The following OCM variants were observed in gnomAD, a reference collection of about 807,000 sequenced individuals.
OCM encodes oncomodulin-1.
A neutral mutation model predicts 14.1 loss-of-function variants in OCM; 18 were observed. The observed-to-expected ratio is 1.28, with a 90% confidence interval of 0.88 to 1.89. OCM has a LOEUF of 1.89. Among genes scored for constraint, OCM ranks in the 40% most tolerant of loss-of-function variants. The probability of loss-of-function intolerance (pLI) is 0.00; values close to 1 mark genes in which losing one functional copy is unlikely to be tolerated. For synonymous variants in OCM, 48 were observed against 51.0 expected (o/e 0.94, Z 0.25); for missense variants, 140 against 137.6 (o/e 1.02, Z -0.09).
At chr7:5,874,461 G>A in the OCM span, among the ~76,000 whole-genome samples, 4 of 151,878 alleles carry the variant, frequency 2.6e-5, no homozygotes, top group Admixed American at 1.3e-4. Context: ...AGCATGATAT[G>A]CAACATAAAA....
chr7:5,871,591 C>T, the OCM span, among the ~76,000 whole-genome samples: 4 of 152,126 alleles, frequency 2.6e-5, no homozygotes, highest in African/African-American at 7.2e-5. Context: ...ATGTTGCACA[C>T]ACCTGTTGTG....
At chr7:5,865,900 A>C in the OCM span, among the ~76,000 whole-genome samples, 2 of 152,196 alleles carry the variant, frequency 1.3e-5, no homozygotes, top group Non-Finnish European at 2.9e-5. Flanking sequence ...ATGTAGGTCA[A>C]ATATGCCGCA....
At chr7:5,880,338 T>C (rs547036364), upstream of OCM, among the ~76,000 whole-genome samples, 11 of 152,178 alleles carry the variant, frequency 7.2e-5, no homozygotes, top group African/African-American at 1.9e-4. Context: ...ATTTTTTTTT[T>C]CCATTTTTGG....
At chr7:5,875,170 C>T (rs369458570), upstream of OCM, among the ~76,000 whole-genome samples, 2 of 151,458 alleles carry the variant, frequency 1.3e-5, no homozygotes, top group East Asian at 3.9e-4. Context: ...TTCTCCTGCC[C>T]CAGCCTCCCA....
Position 5,886,112 on chromosome 7 carries a change from G to C in OCM, c.*23G>C, listed in dbSNP as rs1418023677. The C allele has an allele frequency of 1.0e-5, 16 of 1,607,296 alleles. No individual in the cohort carries two copies. Among genetic ancestry groups the C allele is most frequent in the Non-Finnish European group, 1.4e-5 (16 of 1,173,936 alleles). On this transcript the variant is annotated 3_prime_UTR_variant, in exon 4 of 4. Transcript: ENST00000242104. Reference sequence around the variant, plus strand: ...TAAAAGCCCCAGTCTCTGGAGAAAAGAGAGAAAGGGATAATCACCTGGAAG... The same window carrying C: ...TAAAAGCCCCAGTCTCTGGAGAAAACAGAGAAAGGGATAATCACCTGGAAG...
the OCM span, among the ~76,000 whole-genome samples, chr7:5,874,347 T>A: frequency 6.6e-6 from 1 of 151,380 alleles, no homozygotes; most frequent in Non-Finnish European, 1.5e-5. Context: ...TGTTTAAAAA[T>A]GGTTAATATA....
intron 1 of OCM, 113 bp from the exon 2 acceptor site, chr7:5,882,380 G>A (rs1008730635): frequency 5.5e-5 from 71 of 1,287,518 alleles, no homozygotes; most frequent in African/African-American, 1.2e-4. Context: ...GAGCATCCCC[G>A]TAGCTCAGGG....
At chr7:5,877,993 C>T (rs1423388831), upstream of OCM, among the ~76,000 whole-genome samples, 2 of 138,336 alleles carry the variant, frequency 1.4e-5, no homozygotes, top group Non-Finnish European at 1.5e-5. Flanking sequence ...TTTTTTGAGG[C>T]GGAATCTCGC....
chr7:5,872,270 G>A, the OCM span, among the ~76,000 whole-genome samples: 2 of 152,076 alleles, frequency 1.3e-5, no homozygotes, highest in African/African-American at 4.8e-5. Context: ...TCATTTCATC[G>A]GGAAACACAC....
upstream of OCM, among the ~76,000 whole-genome samples, chr7:5,876,808 T>C (rs1781105102): frequency 1.3e-5 from 2 of 150,468 alleles, no homozygotes; most frequent in African/African-American, 2.4e-5. Flanking sequence ...TCTACTTCTT[T>C]TTTTTTTTTT....
At chr7:5,882,436 C>T in intron 1 of OCM, 57 bp from the exon 2 acceptor site, 1 of 1,587,374 alleles carries the variant, frequency 6.3e-7, no homozygotes, top group African/African-American at 1.3e-5. Context: ...AGTACCTTGG[C>T]CCCAACATAG....
rs752676160 is a variant in OCM, at chr7:5,882,477, A to G, written c.62-16A>G. ...GATCCAACAAGCGTCAGAATAACCAATTCTCTGTTCTTCAGACCCAGACAC... is the reference window on the plus strand; with the variant it reads ...GATCCAACAAGCGTCAGAATAACCAGTTCTCTGTTCTTCAGACCCAGACAC... On this transcript the variant is annotated splice_polypyrimidine_tract_variant and intron_variant, in intron 1 of 3. Transcript: ENST00000242104. 12 of 1,613,702 alleles carry G rather than the reference A, an allele frequency of 7.4e-6. No individual in the cohort carries two copies. The highest frequency in any genetic ancestry group is 1.6e-4 in the Middle Eastern group (1 of 6,074).
At chr7:5,880,231 C>T (rs1781181994), upstream of OCM, among the ~76,000 whole-genome samples, 1 of 152,170 alleles carries the variant, frequency 6.6e-6, no homozygotes, top group Admixed American at 6.6e-5. Context: ...TAGGAAAATG[C>T]CAGTGCATGT....
the OCM span, among the ~76,000 whole-genome samples, chr7:5,866,387 A>AGG: frequency 2.5e-4 from 13 of 51,908 alleles, no homozygotes; most frequent in East Asian, 1.9e-3. Flanking sequence ...GAAAGGAGGA[A>AGG]GAGAGGAAGG....
upstream of OCM, among the ~76,000 whole-genome samples, chr7:5,875,020 G>T (rs1331799106): frequency 1.3e-5 from 2 of 150,284 alleles, no homozygotes; most frequent in Non-Finnish European, 2.9e-5. Context: ...CAATATCTCT[G>T]TGTGAATCTA....
At chr7:5,875,779 A>G (rs529226367), upstream of OCM, among the ~76,000 whole-genome samples, 71 of 152,224 alleles carry the variant, frequency 4.7e-4, no homozygotes, top group Non-Finnish European at 8.5e-4. Flanking sequence ...GCTAGTTTCT[A>G]TGGCAACTTA....
At chr7:5,860,173 T>C in the OCM span, among the ~76,000 whole-genome samples, 1 of 151,920 alleles carries the variant, frequency 6.6e-6, no homozygotes, top group Admixed American at 6.6e-5. Flanking sequence ...CAATTTCTCC[T>C]TAATTAACTC....
chr7:5,872,376 G>A, the OCM span, among the ~76,000 whole-genome samples: 1 of 152,166 alleles, frequency 6.6e-6, no homozygotes, highest in African/African-American at 2.4e-5. Context: ...CCAAACCCCT[G>A]TGTGTAAACT....
At chr7:5,860,943 C>T in the OCM span, among the ~76,000 whole-genome samples, 1 of 151,560 alleles carries the variant, frequency 6.6e-6, no homozygotes, top group Non-Finnish European at 1.5e-5. Flanking sequence ...GGCCAGAGAG[C>T]AAAAACAGCA....
Sources: gnomAD v4.1 joint callset for allele counts (sites outside exome capture counted in the v4.1 genomes callset) on GRCh38, gnomAD v4.1.1 for gene constraint, MANE v1.5 for transcripts, NCBI Gene and HGNC (gene_info 2026-07-23, HGNC 2026-07-21) for gene names.